The following SUGCT variants were observed in gnomAD, a reference collection of about 807,000 sequenced individuals.
SUGCT encodes succinyl-CoA:glutarate CoA-transferase.
Under a neutral mutation model 55.0 loss-of-function variants are expected in SUGCT, and 41 were observed. The observed-to-expected ratio is 0.74, with a 90% CI of 0.58 to 0.97. SUGCT has a LOEUF of 0.97. Ranked by LOEUF, SUGCT falls within the 50% of genes least tolerant of loss-of-function variation. SUGCT has a pLI of 0.00. For missense variants in SUGCT, 568 were observed against 547.8 expected (o/e 1.04, Z -0.37); for synonymous variants, 187 against 200.4 (o/e 0.93, Z 0.56).
chr7:40,832,739 A>G (rs1325041036), intron 13 of SUGCT, among the ~76,000 whole-genome samples: 2 of 150,538 alleles, frequency 1.3e-5, no homozygotes, highest in African/African-American at 2.4e-5. Context: ...CAGTGGCCCA[A>G]TCTTGGCTCA....
In SUGCT at chr7:40,496,376, C is replaced by T. The variant is rs1791977097; in HGVS notation, c.1079C>T (p.Ala360Val). 3.1e-6 allele frequency: 5 copies of T among 1,609,816 alleles called. No homozygotes were observed. The highest frequency in any genetic ancestry group is 4.2e-6 in the Non-Finnish European group (5 of 1,177,188). Reference protein sequence around the residue: ...GPINNMKNVFAEPQVLHNGLV... With the variant: ...GPINNMKNVFVEPQVLHNGLV... ...ATCAACAACATGAAGAATGTATTTGCAGAACCTCAGGTTTGTTTTTGAAGT... is the reference window on the plus strand; with the variant it reads ...ATCAACAACATGAAGAATGTATTTGTAGAACCTCAGGTTTGTTTTTGAAGT... Residue 360 changes from alanine to valine, a missense_variant, in exon 12 of 14, where the codon GCA (alanine) becomes GTA (valine). Physicochemically the swap from Ala to Val is moderately conservative, Grantham distance 64. Coordinates refer to ENST00000335693, the MANE Select transcript of SUGCT (RefSeq NM_001193313.2).
intron 9 of SUGCT, among the ~76,000 whole-genome samples, chr7:40,322,033 A>G (rs1795782024): frequency 6.6e-6 from 1 of 152,136 alleles, no homozygotes; most frequent in South Asian, 2.1e-4. Flanking sequence ...AAGTTGTACT[A>G]ATTTACATTC....
the SUGCT span, among the ~76,000 whole-genome samples, chr7:41,002,532 G>A: frequency 6.6e-6 from 1 of 152,156 alleles, no homozygotes; most frequent in African/African-American, 2.4e-5. Flanking sequence ...TAAACATGAA[G>A]AGGAAAGGGA....
intron 12 of SUGCT, among the ~76,000 whole-genome samples, chr7:40,533,102 A>G (rs756268824): frequency 1.9e-4 from 29 of 152,198 alleles, no homozygotes; most frequent in Non-Finnish European, 3.4e-4. Context: ...TGTAATAGCC[A>G]TGAAATACAA....
At chr7:40,318,434 CTTTA>C (rs568121220) in intron 9 of SUGCT, among the ~76,000 whole-genome samples, 4 of 152,032 alleles carry the variant, frequency 2.6e-5, no homozygotes, top group Admixed American at 1.3e-4. Flanking sequence ...GGCTTTCAGT[CTTTA>C]TTTATTTATT....
chr7:40,642,717 A>C (rs920173966), intron 12 of SUGCT, among the ~76,000 whole-genome samples: 2 of 152,188 alleles, frequency 1.3e-5, no homozygotes, highest in Admixed American at 1.3e-4. Context: ...GATTTACAAA[A>C]ACATGTGATT....
At chr7:40,205,874 C>G (rs1221000321) in intron 6 of SUGCT, among the ~76,000 whole-genome samples, 1 of 151,940 alleles carries the variant, frequency 6.6e-6, no homozygotes, top group Non-Finnish European at 1.5e-5. Context: ...TTCTAAAATT[C>G]CAGAAGCAAA....
the SUGCT span, among the ~76,000 whole-genome samples, chr7:41,021,938 G>T: frequency 6.6e-6 from 1 of 151,804 alleles, no homozygotes; most frequent in African/African-American, 2.4e-5. Flanking sequence ...ATATGAAAGA[G>T]AAGTAAAGAA....
chr7:40,482,335 T>C (rs964140542), intron 11 of SUGCT, among the ~76,000 whole-genome samples: 30 of 152,310 alleles, frequency 2.0e-4, no homozygotes, highest in African/African-American at 7.0e-4. Context: ...TTTAATGTTA[T>C]AAATATACAT....
chr7:40,862,011 T>C (rs1308787468), downstream of SUGCT, among the ~76,000 whole-genome samples: 3 of 152,204 alleles, frequency 2.0e-5, no homozygotes, highest in Non-Finnish European at 4.4e-5. Context: ...TGGTAAAAGA[T>C]TAGATGGCAG....
chr7:40,331,699 A>G (rs1435756287), intron 9 of SUGCT, among the ~76,000 whole-genome samples: 1 of 152,176 alleles, frequency 6.6e-6, no homozygotes, highest in African/African-American at 2.4e-5. Context: ...TGGGTCATGG[A>G]GAAGTCTTCC....
chr7:40,244,134 C>T (rs1430900983), intron 7 of SUGCT, among the ~76,000 whole-genome samples: 1 of 152,190 alleles, frequency 6.6e-6, no homozygotes, highest in African/African-American at 2.4e-5. Flanking sequence ...GATTGCGCCA[C>T]TGCACTCCAG....
chr7:40,576,196 T>TAACTTAGCTCTAGTGGCA (rs1283870781), intron 12 of SUGCT, among the ~76,000 whole-genome samples: 1 of 152,166 alleles, frequency 6.6e-6, no homozygotes, highest in African/African-American at 2.4e-5. Context: ...AGAGCAGGAA[T>TAACTTAGCTCTAGTGGCA]GTGTTTAAAA....
chr7:40,552,684 T>A (rs1387351790), intron 12 of SUGCT, among the ~76,000 whole-genome samples: 2 of 152,156 alleles, frequency 1.3e-5, no homozygotes, highest in Non-Finnish European at 2.9e-5. Context: ...CCATCACACT[T>A]TCCCCATAGG....
At chr7:40,686,555 G>A (rs1784474186) in intron 12 of SUGCT, among the ~76,000 whole-genome samples, 1 of 152,132 alleles carries the variant, frequency 6.6e-6, no homozygotes, top group Admixed American at 6.5e-5. Flanking sequence ...TGTGTGAGTA[G>A]GATTTGACGA....
chr7:40,483,697 GA>G (rs11367132), intron 11 of SUGCT, among the ~76,000 whole-genome samples: 83,576 of 145,056 alleles, frequency 0.58, 26,274 homozygotes, highest in African/African-American at 0.87. Flanking sequence ...CAGTTTCACT[GA>G]AAAAAAAAAA....
At chr7:40,283,945 A>T in intron 8 of SUGCT, among the ~76,000 whole-genome samples, 1 of 152,232 alleles carries the variant, frequency 6.6e-6, no homozygotes, top group Non-Finnish European at 1.5e-5. Context: ...TGTGTTATAT[A>T]TATGCAATGT....
chr7:40,855,184 A>G (rs1008768729), intron 13 of SUGCT, among the ~76,000 whole-genome samples: 13 of 151,178 alleles, frequency 8.6e-5, no homozygotes, highest in African/African-American at 2.7e-4. Flanking sequence ...TTCCATCTAT[A>G]CTGTTGGATT....
the SUGCT span, among the ~76,000 whole-genome samples, chr7:40,971,591 A>G: frequency 6.6e-6 from 1 of 152,200 alleles, no homozygotes; most frequent in Non-Finnish European, 1.5e-5. Flanking sequence ...GTGGCACTGG[A>G]TAACACACAG....
Sources: gnomAD v4.1 joint callset for allele counts (sites outside exome capture counted in the v4.1 genomes callset) on GRCh38, gnomAD v4.1.1 for gene constraint, MANE v1.5 for transcripts, NCBI Gene and HGNC (gene_info 2026-07-23, HGNC 2026-07-21) for gene names.